Variants in TYW1 observed in about 807,000 individuals in gnomAD.
TYW1 encodes tRNA-yW synthesizing protein 1 homolog.
Under a neutral mutation model 96.2 loss-of-function variants are expected in TYW1, and 46 were observed. The ratio of observed to expected loss-of-function variants is 0.48; its 90% CI spans 0.38 to 0.61. The LOEUF (loss-of-function observed/expected upper bound fraction) is 0.61. Among genes scored for constraint, TYW1 ranks in the 20% least tolerant of loss-of-function variants. The pLI, the probability that TYW1 is intolerant of heterozygous loss-of-function variation, is 0.00. For synonymous variants in TYW1, 274 were observed against 323.0 expected (o/e 0.85, Z 1.63); for missense variants, 684 against 909.6 (o/e 0.75, Z 3.19).
chr7:67,126,711 A>C (rs1309746142), intron 13 of TYW1, among the ~76,000 whole-genome samples: 11 of 151,164 alleles, frequency 7.3e-5, no homozygotes, highest in African/African-American at 2.7e-4. Context: ...TATTTGTTGA[A>C]AAAAATTATC....
chr7:67,119,961 AT>A (rs61417897), intron 13 of TYW1, among the ~76,000 whole-genome samples: 47,661 of 149,184 alleles, frequency 0.32, 7,675 homozygotes, highest in East Asian at 0.47. Flanking sequence ...TAATTTTTTG[AT>A]TTTTTTTTTT....
chr7:67,176,420 G>A (rs1799671824), intron 13 of TYW1, among the ~76,000 whole-genome samples: 1 of 152,128 alleles, frequency 6.6e-6, no homozygotes. Context: ...GCTGTGCATT[G>A]GAATTTAAAG....
At chr7:67,016,650 T>G (rs1204044815) in intron 5 of TYW1, among the ~76,000 whole-genome samples, 1 of 152,196 alleles carries the variant, frequency 6.6e-6, no homozygotes, top group Non-Finnish European at 1.5e-5. Flanking sequence ...TGATTATGTG[T>G]TTTTTGAGAG....
Position 67,180,404 on chromosome 7 carries a change from A to ATT in TYW1, c.1699-2720_1699-2719dup, listed in dbSNP as rs1401526906. 2.8e-5 allele frequency among the ~76,000 whole-genome samples: 2 copies of ATT among 71,648 alleles called. 1 individual carries two copies. Among genetic ancestry groups the ATT allele is most frequent in the African/African-American group, 1.3e-4 (2 of 15,154 alleles). The allele number at this position is 71,648 out of a possible 152,430, so 47.0% of individuals were successfully genotyped here. On this transcript the variant is annotated intron_variant, in intron 13 of 15. Transcript: ENST00000359626. ...TGTTGGTTTATATATATATATATATATTTATATATATATATATATAATTTT... is the reference window on the plus strand; with the variant it reads ...TGTTGGTTTATATATATATATATATATTTTTATATATATATATATATAATTTT...
At chr7:67,054,702 AT>A (rs11314136) in intron 8 of TYW1, among the ~76,000 whole-genome samples, 36,997 of 152,022 alleles carry the variant, frequency 0.24, 4,779 homozygotes, top group African/African-American at 0.32. Flanking sequence ...CATTTGCCTT[AT>A]TTGCCTGCAA....
chr7:67,143,070 TTTAAAA>T (rs1296028314), intron 13 of TYW1, among the ~76,000 whole-genome samples: 2 of 144,682 alleles, frequency 1.4e-5, no homozygotes, highest in Non-Finnish European at 3.0e-5. Flanking sequence ...AAAAAAAAAG[TTTAAAA>T]TTAAATAGTG....
intron 7 of TYW1, among the ~76,000 whole-genome samples, chr7:67,025,890 C>G (rs1050416072): frequency 6.6e-6 from 1 of 151,022 alleles, no homozygotes; most frequent in Non-Finnish European, 1.5e-5. Context: ...CTAGAAAATC[C>G]AAGAAAATCA....
intron 14 of TYW1, among the ~76,000 whole-genome samples, chr7:67,189,233 G>A (rs927747471): frequency 7.2e-5 from 11 of 152,310 alleles, no homozygotes; most frequent in African/African-American, 2.6e-4. Context: ...TGCGGGAGTG[G>A]CGTCATGGCC....
At chr7:67,077,104 C>G (rs1237696137) in intron 10 of TYW1, among the ~76,000 whole-genome samples, 2 of 152,156 alleles carry the variant, frequency 1.3e-5, no homozygotes, top group Non-Finnish European at 2.9e-5. Context: ...AAATAATATT[C>G]CATTGTGAAT....
intron 15 of TYW1, among the ~76,000 whole-genome samples, chr7:67,198,883 C>G (rs1007075651): frequency 2.6e-5 from 4 of 152,114 alleles, no homozygotes; most frequent in Non-Finnish European, 4.4e-5. Context: ...ACAGTTCCCC[C>G]CTTCCCTTTC....
intron 3 of TYW1, among the ~76,000 whole-genome samples, chr7:67,006,519 G>A (rs1428622385): frequency 1.0e-4 from 15 of 143,416 alleles, no homozygotes; most frequent in Admixed American, 4.5e-4. Context: ...GGCTCACTGC[G>A]GCCTCTGCCT....
intron 15 of TYW1, among the ~76,000 whole-genome samples, chr7:67,220,160 C>G (rs182959214): frequency 3.5e-5 from 5 of 144,430 alleles, no homozygotes; most frequent in African/African-American, 1.0e-4. Context: ...GTTGCTTAAT[C>G]TCTACAAATT....
intron 6 of TYW1, among the ~76,000 whole-genome samples, chr7:67,021,932 T>C (rs1794292795): frequency 2.0e-5 from 3 of 152,240 alleles, no homozygotes; most frequent in Admixed American, 2.0e-4. Flanking sequence ...TGTTTTTCTT[T>C]TGAGACAGGG....
chr7:67,138,721 C>T (rs1798350945), intron 13 of TYW1, among the ~76,000 whole-genome samples: 1 of 152,198 alleles, frequency 6.6e-6, no homozygotes, highest in Non-Finnish European at 1.5e-5. Flanking sequence ...TAAGTGAGAA[C>T]ATGCGATGTT....
chr7:67,195,374 G>A (rs1285619508), intron 15 of TYW1, 37 bp downstream of exon 15: 11 of 1,607,026 alleles, frequency 6.8e-6, no homozygotes, highest in African/African-American at 1.3e-5. Context: ...TCTGTTCCCC[G>A]ACCCTGCTGT....
intron 15 of TYW1, among the ~76,000 whole-genome samples, chr7:67,231,931 A>T (rs1407584046): frequency 6.7e-6 from 1 of 150,142 alleles, no homozygotes; most frequent in African/African-American, 2.4e-5. Context: ...CTTTAATATT[A>T]AAAAAAAAAT....
chr7:67,068,860 G>A (rs934337961), intron 10 of TYW1, among the ~76,000 whole-genome samples: 1 of 152,122 alleles, frequency 6.6e-6, no homozygotes, highest in Non-Finnish European at 1.5e-5. Flanking sequence ...AACTTGTTCT[G>A]TTTTGGGTAA....
In TYW1 at chr7:67,043,836, C is replaced by T. The variant is rs565589442; in HGVS notation, c.985-6113C>T. On this transcript the variant is annotated intron_variant, in intron 7 of 15. Coordinates refer to ENST00000359626, the MANE Select transcript of TYW1 (RefSeq NM_018264.4). ...ACGCTTGGGCACGCTGCTTTTCCAC[C>T]AGTTCAAAAGGCATTTTTAGAACTC... 3.0e-4 allele frequency among the ~76,000 whole-genome samples: 46 copies of T among 152,186 alleles called. No homozygotes were observed. The South Asian group carries it at 9.1e-3, about 30-fold the overall frequency.
chr7:67,160,302 A>G (rs1799122371), intron 13 of TYW1, among the ~76,000 whole-genome samples: 1 of 152,178 alleles, frequency 6.6e-6, no homozygotes, highest in South Asian at 2.1e-4. Context: ...TGTGTCTATT[A>G]TGAACATTGC....
Sources: allele counts gnomAD v4.1 joint callset (sites outside exome capture counted in the v4.1 genomes callset), GRCh38; gene constraint gnomAD v4.1.1; transcripts MANE v1.5; gene names NCBI Gene and HGNC (gene_info 2026-07-23, HGNC 2026-07-21).